DLG2: variants seen among roughly 807,000 people sequenced by gnomAD.
DLG2 encodes disks large homolog 2.
DLG2 carries 45 observed loss-of-function variants against 132.5 expected under a neutral mutation model. The ratio of observed to expected loss-of-function variants is 0.34; its 90% CI spans 0.27 to 0.44. The LOEUF is 0.44. Among genes scored for constraint, DLG2 ranks in the 20% least tolerant of loss-of-function variants. DLG2 has a pLI of 1.00. For synonymous variants in DLG2, 424 were observed against 419.6 expected (o/e 1.01, Z -0.13); for missense variants, 1,045 against 1,196.9 (o/e 0.87, Z 1.87).
intron 11 of DLG2, among the ~76,000 whole-genome samples, chr11:83,996,423 G>C (rs189245394): frequency 9.2e-5 from 14 of 152,240 alleles, no homozygotes; most frequent in Admixed American, 5.9e-4. Context: ...ACATTCCTCA[G>C]AAAACTAAAA....
chr11:85,423,470 G>A (rs2090476656), intron 3 of DLG2, among the ~76,000 whole-genome samples: 1 of 152,164 alleles, frequency 6.6e-6, no homozygotes, highest in South Asian at 2.1e-4. Flanking sequence ...GGAACAGGTG[G>A]TGGGCAGGGC....
chr11:85,316,649 G>T (rs996567723), intron 3 of DLG2, among the ~76,000 whole-genome samples: 2 of 151,866 alleles, frequency 1.3e-5, no homozygotes, highest in Non-Finnish European at 2.9e-5. Context: ...GGATACAACT[G>T]GGTATTTGAA....
chr11:84,888,507 C>T (rs1040956900), intron 6 of DLG2, among the ~76,000 whole-genome samples: 3 of 152,106 alleles, frequency 2.0e-5, no homozygotes, highest in Admixed American at 2.0e-4. Context: ...AACTTGCAGA[C>T]AGCAAGTGAT....
chr11:84,475,043 C>T (rs888053979), intron 7 of DLG2, among the ~76,000 whole-genome samples: 5 of 152,086 alleles, frequency 3.3e-5, no homozygotes, highest in African/African-American at 1.2e-4. Context: ...ATGACATTTG[C>T]TATGACCATA....
intron 19 of DLG2, among the ~76,000 whole-genome samples, chr11:83,578,808 A>T (rs557087589): frequency 8.5e-5 from 13 of 152,310 alleles, no homozygotes; most frequent in African/African-American, 3.1e-4. Flanking sequence ...CATCAACAAT[A>T]TATTCTTTTC....
chr11:83,921,269 A>G (rs977819905), intron 15 of DLG2, among the ~76,000 whole-genome samples: 3 of 152,156 alleles, frequency 2.0e-5, no homozygotes, highest in Non-Finnish European at 4.4e-5. Context: ...CATTGTTACT[A>G]TTAGTACTAT....
At chr11:84,598,215 C>G (rs538936737) in intron 6 of DLG2, among the ~76,000 whole-genome samples, 1 of 152,226 alleles carries the variant, frequency 6.6e-6, no homozygotes, top group Admixed American at 6.5e-5. Context: ...AAGGACTAAG[C>G]CCTTTGCTCA....
chr11:83,872,337 G>A lies in DLG2; in HGVS notation c.1565+2083C>T, dbSNP rs150457046. Reference sequence around the variant, plus strand: ...ACCCATGCTTAGAGAGGTGAAGGTCGCTGATCAACAACAAATGGTAGAGGC... The same window carrying A: ...ACCCATGCTTAGAGAGGTGAAGGTCACTGATCAACAACAAATGGTAGAGGC... On this transcript the variant is annotated intron_variant, in intron 16 of 27. Transcript: ENST00000376104. Among the ~76,000 whole-genome samples, 570 of 152,194 alleles carry A rather than the reference G, an allele frequency of 3.7e-3. 5 individuals carry two copies. The highest frequency in any genetic ancestry group is 0.012 in the African/African-American group (491 of 41,520).
At chr11:83,645,593 A>C (rs929002203) in intron 18 of DLG2, 3 of 152,148 alleles carry the variant, frequency 2.0e-5, no homozygotes, top group African/African-American at 7.2e-5. Context: ...TGTATAAGTA[A>C]AACAGGCAAA....
At chr11:85,367,067 T>A (rs1003582425) in intron 3 of DLG2, among the ~76,000 whole-genome samples, 1 of 152,190 alleles carries the variant, frequency 6.6e-6, no homozygotes, top group Non-Finnish European at 1.5e-5. Context: ...TTAATGGCAA[T>A]GTATTTAGCG....
chr11:83,932,459 C>T (rs974994530), intron 14 of DLG2, among the ~76,000 whole-genome samples: 3 of 152,160 alleles, frequency 2.0e-5, no homozygotes, highest in Non-Finnish European at 4.4e-5. Context: ...TGGTCTTGAT[C>T]TCCTGACCTC....
At chr11:84,531,006 C>T (rs1051783835) in intron 7 of DLG2, among the ~76,000 whole-genome samples, 5 of 152,068 alleles carry the variant, frequency 3.3e-5, no homozygotes, top group African/African-American at 1.2e-4. Flanking sequence ...GTCCCAGCTA[C>T]TCAGGAGGCT....
chr11:85,358,756 A>G (rs1454962786), intron 3 of DLG2, among the ~76,000 whole-genome samples: 4 of 152,218 alleles, frequency 2.6e-5, no homozygotes, highest in Non-Finnish European at 5.9e-5. Flanking sequence ...GGCAATTAGT[A>G]GATATCTGAT....
At chr11:84,716,617 GA>G (rs1256653630) in intron 6 of DLG2, among the ~76,000 whole-genome samples, 1 of 141,412 alleles carries the variant, frequency 7.1e-6, no homozygotes, top group Non-Finnish European at 1.5e-5. Context: ...CTATGACAAA[GA>G]AAAAAACCTT....
intron 7 of DLG2, among the ~76,000 whole-genome samples, chr11:84,396,403 G>C (rs1033469572): frequency 3.9e-5 from 6 of 152,136 alleles, no homozygotes; most frequent in African/African-American, 1.4e-4. Context: ...AAAATATATG[G>C]TGCAATTGTT....
chr11:85,120,036 T>C (rs369028450), intron 5 of DLG2, among the ~76,000 whole-genome samples: 2 of 152,204 alleles, frequency 1.3e-5, no homozygotes, highest in East Asian at 3.9e-4. Context: ...AAAAAATGCA[T>C]ATACATTGGA....
At chr11:84,698,228 C>T (rs1280223222) in intron 6 of DLG2, among the ~76,000 whole-genome samples, 5 of 133,488 alleles carry the variant, frequency 3.7e-5, no homozygotes, top group African/African-American at 1.4e-4. Context: ...ATATAGCCAT[C>T]TGATCCGAAC....
chr11:84,410,733 C>T (rs1010136127), intron 7 of DLG2, among the ~76,000 whole-genome samples: 2 of 151,872 alleles, frequency 1.3e-5, no homozygotes, highest in South Asian at 2.1e-4. Flanking sequence ...GTGCCCACCA[C>T]CATGCCCGGC....
At chr11:84,285,921 T>C (rs1001830412) in intron 7 of DLG2, among the ~76,000 whole-genome samples, 3 of 152,188 alleles carry the variant, frequency 2.0e-5, no homozygotes, top group Admixed American at 2.0e-4. Flanking sequence ...ATGAATTTCA[T>C]TCTCATACAA....
Sources: allele counts gnomAD v4.1 joint callset (sites outside exome capture counted in the v4.1 genomes callset), GRCh38; gene constraint gnomAD v4.1.1; transcripts MANE v1.5; gene names NCBI Gene and HGNC (gene_info 2026-07-23, HGNC 2026-07-21).